NRXN3: variants seen among roughly 807,000 people sequenced by gnomAD.
NRXN3 encodes neurexin III.
A neutral mutation model predicts 137.6 loss-of-function variants in NRXN3; 32 were observed. The ratio of observed to expected loss-of-function variants is 0.23; its 90% CI spans 0.18 to 0.31. The LOEUF (loss-of-function observed/expected upper bound fraction) is 0.31. NRXN3 is among the 10% of genes least tolerant of loss of function. The probability of loss-of-function intolerance (pLI) is 1.00; values close to 1 mark genes in which losing one functional copy is unlikely to be tolerated. For missense variants in NRXN3, 1,574 were observed against 2,062.5 expected (o/e 0.76, Z 4.59); for synonymous variants, 798 against 784.5 (o/e 1.02, Z -0.29).
At chr14:78,943,225 G>A (rs533819991) in intron 10 of NRXN3, among the ~76,000 whole-genome samples, 2 of 152,076 alleles carry the variant, frequency 1.3e-5, no homozygotes, top group Admixed American at 1.3e-4. Context: ...GGAAAACCAT[G>A]GACAGCCATG....
At chr14:79,406,339 C>G (rs1599817730) in intron 15 of NRXN3, among the ~76,000 whole-genome samples, 1 of 150,628 alleles carries the variant, frequency 6.6e-6, no homozygotes, top group East Asian at 2.0e-4. Context: ...GGGTCTTGCT[C>G]TGTCACCCAG....
chr14:79,218,732 C>CA (rs2153231204), intron 15 of NRXN3, among the ~76,000 whole-genome samples: 1 of 152,116 alleles, frequency 6.6e-6, no homozygotes, highest in South Asian at 2.1e-4. Context: ...AGAACAACAA[C>CA]AAAAAAGGTC....
At chr14:78,614,549 T>C (rs1277895009) in intron 4 of NRXN3, among the ~76,000 whole-genome samples, 1 of 150,498 alleles carries the variant, frequency 6.6e-6, no homozygotes, top group African/African-American at 2.4e-5. Context: ...CATTGTAGAA[T>C]TAAAAAAAAA....
intron 15 of NRXN3, among the ~76,000 whole-genome samples, chr14:79,238,959 G>A (rs2073866410): frequency 6.6e-6 from 1 of 152,080 alleles, no homozygotes; most frequent in African/African-American, 2.4e-5. Flanking sequence ...GGCCCTATTG[G>A]ATGCCAAATA....
chr14:79,543,228 T>C (rs925972204), intron 16 of NRXN3, among the ~76,000 whole-genome samples: 13 of 152,194 alleles, frequency 8.5e-5, no homozygotes, highest in African/African-American at 2.9e-4. Flanking sequence ...AAATCATTCC[T>C]CTTTCTTCTT....
chr14:79,282,698 G>C (rs1160522777), intron 15 of NRXN3, among the ~76,000 whole-genome samples: 5 of 152,222 alleles, frequency 3.3e-5, no homozygotes, highest in Admixed American at 1.3e-4. Flanking sequence ...AATGGCTAGA[G>C]ACCCCAGAAA....
intron 15 of NRXN3, among the ~76,000 whole-genome samples, chr14:79,220,660 T>A (rs1046199130): frequency 5.3e-5 from 8 of 152,176 alleles, no homozygotes; most frequent in Admixed American, 2.6e-4. Context: ...GAATGTCATA[T>A]AGTTAGAATC....
chr14:78,276,138 T>C (rs1361438893), intron 2 of NRXN3, among the ~76,000 whole-genome samples: 5 of 152,210 alleles, frequency 3.3e-5, no homozygotes, highest in Admixed American at 2.6e-4. Context: ...TTGTTTGTTT[T>C]TGGTGGGATT....
At chr14:79,551,157 G>T (rs2097369196) in intron 16 of NRXN3, among the ~76,000 whole-genome samples, 2 of 152,124 alleles carry the variant, frequency 1.3e-5, no homozygotes, top group Admixed American at 1.3e-4. Flanking sequence ...TCCTTTAAAT[G>T]TTCAGAATAG....
intron 10 of NRXN3, among the ~76,000 whole-genome samples, chr14:78,953,313 T>C (rs535122456): frequency 1.3e-5 from 2 of 152,346 alleles, no homozygotes; most frequent in African/African-American, 2.4e-5. Context: ...GATTTCATTA[T>C]TGGTTCTGGC....
rs534043549 is a variant in NRXN3 at position 78,353,509 on chromosome 14, G to T, written c.757+55649G>T. 1.3e-4 allele frequency among the ~76,000 whole-genome samples: 20 copies of T among 152,174 alleles called. No homozygotes were observed. The South Asian group carries it at 3.9e-3, about 30-fold the overall frequency. On this transcript the variant is annotated intron_variant, in intron 4 of 20. Transcript: ENST00000335750. ...TAAGGGCGTAGTCCCATTCATGAGG[G>T]TATTACTCTCGTGATCTAACTACCT...
intron 15 of NRXN3, among the ~76,000 whole-genome samples, chr14:79,070,618 G>C (rs1382864449): frequency 1.3e-5 from 2 of 152,286 alleles, no homozygotes; most frequent in African/African-American, 4.8e-5. Context: ...ATGTAATCAA[G>C]ATAGAGTTCA....
chr14:79,804,791 T>C (rs1051624571), intron 19 of NRXN3, among the ~76,000 whole-genome samples: 18 of 152,072 alleles, frequency 1.2e-4, no homozygotes, highest in African/African-American at 4.3e-4. Context: ...TCCTTCTGAT[T>C]CCTAAAACTC....
At position 78,243,414 on chromosome 14, in the gene NRXN3, C is replaced by A; in HGVS notation, c.321C>A (p.Ser107Arg). The A allele has an allele frequency of 6.4e-7, 1 of 1,567,438 alleles. No homozygotes were observed. Among genetic ancestry groups the A allele is most frequent in the Non-Finnish European group, 8.6e-7 (1 of 1,164,128 alleles). The change falls in exon 2 of 21, where the codon AGC (serine) becomes AGA (arginine). Residue 107 changes from serine (S) to arginine (R), a missense_variant. By Grantham distance (110) the Ser-to-Arg change is moderately radical (BLOSUM62 -1). This residue lies in a region of NRXN3 where 400 missense variants were observed against 527.3 expected (regional missense o/e 0.76). Transcript: ENST00000335750. This position sits in a 1 kb window ranked among gnomAD's most constrained non-coding sequence, Gnocchi z 4.2. ...TGTCCAACAAGCAGGTGAATGACAG[C>A]AGCTGGCACTTCCTCATGGTGAGCC... Reference protein sequence around the residue: ...AVLSNKQVNDSSWHFLMVSRD... With the variant: ...AVLSNKQVNDRSWHFLMVSRD...
intron 8 of NRXN3, among the ~76,000 whole-genome samples, chr14:78,757,117 A>G (rs144924483): frequency 6.6e-6 from 1 of 152,302 alleles, no homozygotes; most frequent in Non-Finnish European, 1.5e-5. Flanking sequence ...TGATTAAAAT[A>G]GGATTCTGGG....
chr14:78,213,236 T>TG (rs2062917554), intron 1 of NRXN3, among the ~76,000 whole-genome samples: 1 of 151,680 alleles, frequency 6.6e-6, no homozygotes, highest in Non-Finnish European at 1.5e-5. Context: ...GCCAGGTTAG[T>TG]GGGGATCATC....
chr14:79,862,292 C>G lies in NRXN3; in HGVS notation c.*328C>G, dbSNP rs1220086548. The G allele has an allele frequency of 9.2e-6, 2 of 217,354 alleles. No individual in the cohort carries two copies. Among genetic ancestry groups the G allele is most frequent in the Admixed American group, 1.0e-4 (2 of 19,554 alleles). 13.5% of individuals were successfully genotyped at this position (217,354 alleles called of 1,614,324 possible). A position where few individuals can be genotyped will look rare whatever the true frequency, so the allele number is the denominator to read the frequency against. On this transcript the variant is annotated 3_prime_UTR_variant, in exon 21 of 21. Transcript: ENST00000335750. Reference sequence around the variant, plus strand: ...CCACTTCCGCAGGCCTGGAAACTTCCTTCTCCGGAGGACCTTTTACTAAAA... The same window carrying G: ...CCACTTCCGCAGGCCTGGAAACTTCGTTCTCCGGAGGACCTTTTACTAAAA...
At chr14:78,283,675 A>C (rs2074751831) in intron 3 of NRXN3, among the ~76,000 whole-genome samples, 1 of 151,662 alleles carries the variant, frequency 6.6e-6, no homozygotes. Context: ...CGCCCAGCAA[A>C]TTTTTGTATT....
intron 15 of NRXN3, among the ~76,000 whole-genome samples, chr14:79,135,902 A>T (rs1251061029): frequency 6.6e-6 from 1 of 152,192 alleles, no homozygotes; most frequent in East Asian, 1.9e-4. Flanking sequence ...AACTACAGCT[A>T]TGTTTAAAAC....
Sources: gnomAD v4.1 joint callset for allele counts (sites outside exome capture counted in the v4.1 genomes callset) on GRCh38, gnomAD v4.1.1 for gene constraint, gnomAD v4.1.1 regional missense constraint, Gnocchi (gnomAD v3.1) non-coding constraint, MANE v1.5 for transcripts, NCBI Gene and HGNC (gene_info 2026-07-23, HGNC 2026-07-21) for gene names.